CMSS1: variants seen among roughly 807,000 people sequenced by gnomAD.
CMSS1 encodes protein CMSS1.
In CMSS1, 33 loss-of-function variants were observed where a neutral mutation model predicts 43.5. That is an observed-to-expected ratio of 0.76 (90% CI 0.57 to 1.01). The LOEUF (loss-of-function observed/expected upper bound fraction) is 1.01, where lower values mean the gene tolerates loss of function less well. Among genes scored for constraint, CMSS1 ranks in the 50% least tolerant of loss-of-function variants. The pLI is 0.00. For missense variants in CMSS1, 313 were observed against 326.4 expected, an observed-to-expected ratio of 0.96 and a Z score of 0.32; for synonymous variants, 115 against 117.2, an observed-to-expected ratio of 0.98 and a Z score of 0.12.
At chr3:99,882,238 C>T (rs1705753063) in intron 1 of CMSS1, among the ~76,000 whole-genome samples, 1 of 152,038 alleles carries the variant, frequency 6.6e-6, no homozygotes, top group Admixed American at 6.6e-5. Flanking sequence ...TTAAAACGTC[C>T]CTTTCGGTTC....
chr3:100,140,922 T>A (rs2066799167), intron 1 of CMSS1, among the ~76,000 whole-genome samples: 1 of 152,116 alleles, frequency 6.6e-6, no homozygotes, highest in African/African-American at 2.4e-5. Flanking sequence ...CCTCATCAAA[T>A]AAAGAAAAAA....
chr3:100,101,391 C>G (rs2066302562), intron 1 of CMSS1, among the ~76,000 whole-genome samples: 2 of 152,100 alleles, frequency 1.3e-5, no homozygotes, highest in Non-Finnish European at 2.9e-5. Flanking sequence ...GAGGAGCAGT[C>G]CAGCTTTGCA....
chr3:99,936,469 G>A (rs1445856795), intron 1 of CMSS1, among the ~76,000 whole-genome samples: 1 of 131,236 alleles, frequency 7.6e-6, no homozygotes, highest in African/African-American at 3.0e-5. Context: ...TCCACCTCCT[G>A]GGTTCAAGCA....
At chr3:99,936,822 G>A (rs1487311656) in intron 1 of CMSS1, among the ~76,000 whole-genome samples, 1 of 151,964 alleles carries the variant, frequency 6.6e-6, no homozygotes, top group Non-Finnish European at 1.5e-5. Context: ...GATATACATA[G>A]TAAAGGAAAA....
At chr3:99,901,125 C>T (rs968913147) in intron 1 of CMSS1, among the ~76,000 whole-genome samples, 1 of 152,154 alleles carries the variant, frequency 6.6e-6, no homozygotes, top group African/African-American at 2.4e-5. Context: ...TTATTTAATA[C>T]AAATCAAGTA....
intron 1 of CMSS1, among the ~76,000 whole-genome samples, chr3:99,857,911 G>A (rs1944049678): frequency 6.6e-6 from 1 of 152,180 alleles, no homozygotes; most frequent in African/African-American, 2.4e-5. Context: ...AAACAACAAA[G>A]ACAATCATTA....
At chr3:99,853,556 T>C (rs921054470) in intron 1 of CMSS1, among the ~76,000 whole-genome samples, 6 of 152,176 alleles carry the variant, frequency 3.9e-5, no homozygotes, top group Non-Finnish European at 7.4e-5. Context: ...TTCAGTTGCT[T>C]CCATTTTGTT....
rs1705428477 is a variant in CMSS1, at chr3:99,874,789, C to T, written c.64+56746C>T. Among the ~76,000 whole-genome samples the T allele has an allele frequency of 2.0e-5, 3 of 152,192 alleles. No homozygotes were observed. In the South Asian group the frequency reaches 6.2e-4, roughly 32 times the overall value. On this transcript the variant is annotated intron_variant, in intron 1 of 9. Transcript: ENST00000421999. ...TTCAATGATAAAATCTGGGATCTGA[C>T]ATTTTCTTCTGACAATTAAATATAA...
chr3:100,172,945 C>T (rs2067122097), intron 8 of CMSS1, among the ~76,000 whole-genome samples: 1 of 152,340 alleles, frequency 6.6e-6, no homozygotes, highest in South Asian at 2.1e-4. Flanking sequence ...AACCTGCTAA[C>T]CTGCCAATTA....
intron 1 of CMSS1, among the ~76,000 whole-genome samples, chr3:99,969,095 T>C (rs1708739282): frequency 6.6e-6 from 1 of 151,514 alleles, no homozygotes; most frequent in African/African-American, 2.4e-5. Flanking sequence ...GTCCTGGGAG[T>C]GCTGAAAAGG....
intron 1 of CMSS1, among the ~76,000 whole-genome samples, chr3:100,018,562 A>T (rs1474053451): frequency 6.6e-6 from 1 of 152,152 alleles, no homozygotes; most frequent in South Asian, 2.1e-4. Context: ...ACTCGAAATG[A>T]ATTAAAGACT....
intron 1 of CMSS1, among the ~76,000 whole-genome samples, chr3:99,916,584 ATAAT>A (rs1160143420): frequency 3.9e-5 from 6 of 152,144 alleles, no homozygotes; most frequent in Non-Finnish European, 7.4e-5. Context: ...TGTGCATTAT[ATAAT>A]TAGTAATCAC....
chr3:100,101,433 T>A (rs994681593), intron 1 of CMSS1, among the ~76,000 whole-genome samples: 1 of 151,964 alleles, frequency 6.6e-6, no homozygotes, highest in Non-Finnish European at 1.5e-5. Flanking sequence ...GTAAAGTAGA[T>A]CGGGTTAGAA....
chr3:99,834,648 T>C (rs1486995677), intron 1 of CMSS1, among the ~76,000 whole-genome samples: 7 of 152,208 alleles, frequency 4.6e-5, no homozygotes. Flanking sequence ...ACTCAGCTTT[T>C]CTTTTTTTGT....
At chr3:99,851,547 A>C (rs564893273) in intron 1 of CMSS1, among the ~76,000 whole-genome samples, 2 of 152,362 alleles carry the variant, frequency 1.3e-5, no homozygotes, top group Admixed American at 6.5e-5. Context: ...GGGGCTTTTT[A>C]TGAAAATTAA....
intron 8 of CMSS1, 34 bp downstream of exon 8, chr3:100,172,437 G>A: frequency 6.5e-7 from 1 of 1,536,924 alleles, no homozygotes; most frequent in Non-Finnish European, 9.0e-7. Context: ...TCTTGCCCAG[G>A]GCTGGGAGTT....
chr3:99,958,419 G>A (rs1199436307), intron 1 of CMSS1, among the ~76,000 whole-genome samples: 2 of 152,006 alleles, frequency 1.3e-5, no homozygotes, highest in African/African-American at 4.8e-5. Flanking sequence ...ACAGTGGGCA[G>A]TGTGTGACTG....
intron 1 of CMSS1, among the ~76,000 whole-genome samples, chr3:99,823,104 A>T (rs1033130838): frequency 2.6e-5 from 4 of 152,220 alleles, no homozygotes; most frequent in African/African-American, 9.6e-5. Context: ...ATCGGCTTAA[A>T]GAGACTCATA....
intron 1 of CMSS1, among the ~76,000 whole-genome samples, chr3:99,976,045 C>G (rs1447561996): frequency 1.3e-5 from 2 of 152,086 alleles, no homozygotes; most frequent in Non-Finnish European, 2.9e-5. Flanking sequence ...CCACTATGCC[C>G]AGCTAATTTT....
Sources: allele counts gnomAD v4.1 joint callset (sites outside exome capture counted in the v4.1 genomes callset), GRCh38; gene constraint gnomAD v4.1.1; transcripts MANE v1.5; gene names NCBI Gene and HGNC (gene_info 2026-07-23, HGNC 2026-07-21).